AP2A2: variants seen among roughly 807,000 people sequenced by gnomAD.
AP2A2 encodes the protein AP-2 complex subunit alpha-2.
AP2A2 carries 32 observed loss-of-function variants against 104.2 expected under a neutral mutation model. The ratio of observed to expected loss-of-function variants is 0.31; its 90% CI spans 0.23 to 0.41. The LOEUF is 0.41. AP2A2 is among the 10% of genes least tolerant of loss of function. AP2A2 has a pLI of 1.00. For missense variants in AP2A2, 912 were observed against 1,261.0 expected (o/e 0.72, Z 4.19); for synonymous variants, 539 against 533.3 (o/e 1.01, Z -0.15).
intron 5 of AP2A2, among the ~76,000 whole-genome samples, chr11:978,130 T>A (rs1855113446): frequency 6.6e-6 from 1 of 151,890 alleles, no homozygotes; most frequent in Non-Finnish European, 1.5e-5. Context: ...CGTCAGAGAG[T>A]GTGCGGGTGA....
rs1392866500 is a variant in AP2A2 at position 1,008,102 on chromosome 11, T to A, written c.2387T>A (p.Phe796Tyr). The change falls in exon 18 of 22, where the codon TTC becomes TAC. Residue 796 changes from phenylalanine to tyrosine, a missense_variant. This residue lies in a region of AP2A2 where 239 missense variants were observed against 329.8 expected (regional missense o/e 0.72). Transcript: ENST00000448903. ...QVVNIECVSD[F>Y]TEAPVLNIQF... is the part of the protein sequence containing the mutation. Reference sequence around the variant, plus strand: ...GTCAACATAGAGTGCGTGTCCGACTTCACGGAGGCGCCAGTCCTCAACATT... The same window carrying A: ...GTCAACATAGAGTGCGTGTCCGACTACACGGAGGCGCCAGTCCTCAACATT... 1 of 1,606,420 alleles carries A rather than the reference T, an allele frequency of 6.2e-7. No individual in the cohort carries two copies. The highest frequency in any genetic ancestry group is 1.1e-5 in the South Asian group (1 of 89,588).
At chr11:973,336 A>G (rs914480176) in intron 4 of AP2A2, among the ~76,000 whole-genome samples, 3 of 152,208 alleles carry the variant, frequency 2.0e-5, no homozygotes, top group Non-Finnish European at 4.4e-5. Context: ...AGGATGCTCC[A>G]CAACAGAGAA....
At chr11:1,007,547 C>A (rs1049311515) in intron 17 of AP2A2, 2 of 190,312 alleles carry the variant, frequency 1.1e-5, no homozygotes, top group Non-Finnish European at 2.2e-5. Flanking sequence ...GTCACTGTTT[C>A]TTCAGGAGAG....
intron 2 of AP2A2, among the ~76,000 whole-genome samples, chr11:964,539 G>T (rs1036032112): frequency 6.6e-6 from 1 of 152,210 alleles, no homozygotes; most frequent in Non-Finnish European, 1.5e-5. Flanking sequence ...TTGGGGCCCT[G>T]TTCCTGAATT....
chr11:996,621 C>A (rs983091783), intron 14 of AP2A2, among the ~76,000 whole-genome samples: 1 of 152,068 alleles, frequency 6.6e-6, no homozygotes, highest in Admixed American at 6.6e-5. Context: ...AGCTTCTGGA[C>A]CCTGGGAGTG....
At chr11:997,200 G>A (rs1338285660) in intron 14 of AP2A2, among the ~76,000 whole-genome samples, 2 of 152,200 alleles carry the variant, frequency 1.3e-5, no homozygotes, top group African/African-American at 4.8e-5. Context: ...CATAGATGAG[G>A]CCAGGACATT....
Position 1,009,803 on chromosome 11 carries a change from A to G in AP2A2, c.2728A>G (p.Asn910Asp). Residue 910 changes from asparagine (N) to aspartate (D), a missense_variant, in exon 21 of 22, where the codon AAC (asparagine) becomes GAC (aspartate). This residue lies in a region of AP2A2 where 239 missense variants were observed against 329.8 expected (regional missense o/e 0.72). Coordinates refer to ENST00000448903, the MANE Select transcript of AP2A2 (RefSeq NM_012305.4). ...TGGATGCCTGCTGCGCTTGGAGCCG[A>G]ACCTGCAAGCCCAGGTCAGGCCCTC... ...QIGCLLRLEP[N>D]LQAQMYRLTL... 1.3e-6 allele frequency: 2 copies of G among 1,547,230 alleles called. No homozygotes were observed. The highest frequency in any genetic ancestry group is 2.0e-5 in the Admixed American group (1 of 50,946).
chr11:955,230 C>A (rs985564971), intron 1 of AP2A2, among the ~76,000 whole-genome samples: 1 of 152,236 alleles, frequency 6.6e-6, no homozygotes, highest in Non-Finnish European at 1.5e-5. Context: ...CACACTGGCA[C>A]ACCGCACCCA....
chr11:972,941 C>T (rs1330471986), intron 4 of AP2A2, among the ~76,000 whole-genome samples: 3 of 152,264 alleles, frequency 2.0e-5, no homozygotes, highest in Admixed American at 1.3e-4. Context: ...CCATCCGTTC[C>T]GTCCCTTGTT....
At chr11:945,913 G>A (rs1042154262) in intron 1 of AP2A2, among the ~76,000 whole-genome samples, 5 of 152,176 alleles carry the variant, frequency 3.3e-5, no homozygotes, top group African/African-American at 9.7e-5. Flanking sequence ...AGGAGACGGC[G>A]AGGATCTGGA....
At position 935,603 on chromosome 11, in the gene AP2A2, G is replaced by GTTTTTTTTTTTTTTTTTTTTTTTTTTTTT. The variant is rs757190222; in HGVS notation, c.67+9537_67+9538insTTTTTTTTTTTTTTTTTTTTTTTTTTTTT. The stretch of plus-strand genomic sequence containing the variant: ...AAGTGTGAGCCACTGTGCCCGGCCA[G>GTTTTTTTTTTTTTTTTTTTTTTTTTTTTT]TTTTTTTTTTTTTTTTTTTTTTGAG... On this transcript the variant is annotated intron_variant, in intron 1 of 21. Transcript: ENST00000448903. 1.5e-4 allele frequency among the ~76,000 whole-genome samples: 12 copies of GTTTTTTTTTTTTTTTTTTTTTTTTTTTTT among 77,958 alleles called. 2 individuals carry two copies. The highest frequency in any genetic ancestry group is 7.0e-3 in the Middle Eastern group (1 of 142). The allele number at this position is 77,958 out of a possible 152,430, so 51.1% of individuals were successfully genotyped here. A position where few individuals can be genotyped will look rare whatever the true frequency, so the allele number is the denominator to read the frequency against.
chr11:1,011,658 C>G lies in AP2A2; in HGVS notation c.*1033C>G, dbSNP rs1856437733. On this transcript the variant is annotated 3_prime_UTR_variant, in exon 22 of 22. Transcript: ENST00000448903. Reference sequence around the variant, plus strand: ...TAGGAGCCAAGGCTGGGGCCTTGCGCTCTGTCCCCAGGATGGTGGCCTTGT... The same window carrying G: ...TAGGAGCCAAGGCTGGGGCCTTGCGGTCTGTCCCCAGGATGGTGGCCTTGT... 1 of 363,974 alleles carries G rather than the reference C, an allele frequency of 2.7e-6. No homozygotes were observed. The highest frequency in any genetic ancestry group is 3.6e-5 in the Admixed American group (1 of 27,546). 22.5% of individuals were successfully genotyped at this position (363,974 alleles called of 1,614,324 possible).
At chr11:970,723 G>C (rs1033731476) in intron 3 of AP2A2, among the ~76,000 whole-genome samples, 5 of 152,248 alleles carry the variant, frequency 3.3e-5, no homozygotes, top group African/African-American at 1.2e-4. Context: ...CTCCAGAGGA[G>C]GGGAGGATGT....
chr11:963,184 G>GGGA (rs1181419659), intron 2 of AP2A2, among the ~76,000 whole-genome samples: 4 of 152,172 alleles, frequency 2.6e-5, no homozygotes. Context: ...CCAGCCCTTT[G>GGGA]GGAGGCCGAG....
At position 973,322 on chromosome 11, in the gene AP2A2, A is replaced by G. The variant is rs939957974; in HGVS notation, c.473+1067A>G. ...AGACCAGGGTGCTGCACCCCACACC[A>G]CTCAGGATGCTCCACAACAGAGAAT... On this transcript the variant is annotated intron_variant, in intron 4 of 21. Transcript: ENST00000448903. 2.6e-5 allele frequency among the ~76,000 whole-genome samples: 4 copies of G among 152,102 alleles called. No homozygotes were observed. The East Asian group carries it at 7.8e-4, about 29-fold the overall frequency.
At position 993,742 on chromosome 11, in the gene AP2A2, C is replaced by T. The variant is rs574594156; in HGVS notation, c.1551-12C>T. On this transcript the variant is annotated splice_polypyrimidine_tract_variant and intron_variant, in intron 12 of 21. Transcript: ENST00000448903. This position sits in a 1 kb window ranked among gnomAD's most constrained non-coding sequence, Gnocchi z 8.2. ...ACGACGGTGTCCCTGTGTTGTGCCT[C>T]CCCGTCCCCAGCCCGCTGATCCAGT... 105 of 1,572,668 alleles carry T rather than the reference C, an allele frequency of 6.7e-5. No individual in the cohort carries two copies. In the South Asian group the frequency reaches 1.2e-3, roughly 17 times the overall value.
intron 21 of AP2A2, 196 bp downstream of exon 21, chr11:1,010,013 T>C: frequency 1.6e-6 from 1 of 608,442 alleles, no homozygotes; most frequent in Admixed American, 3.0e-5. Flanking sequence ...CCTAGTGCAG[T>C]TCAGTCAGTT....
chr11:1,002,834 C>G (rs945207148), intron 15 of AP2A2, among the ~76,000 whole-genome samples: 1 of 152,206 alleles, frequency 6.6e-6, no homozygotes, highest in Non-Finnish European at 1.5e-5. Flanking sequence ...GTGGAGATTT[C>G]AGAATTAGGC....
At chr11:971,307 G>A (rs1854819358) in intron 3 of AP2A2, among the ~76,000 whole-genome samples, 1 of 152,174 alleles carries the variant, frequency 6.6e-6, no homozygotes, top group Admixed American at 6.5e-5. Context: ...ACTGGGGGCT[G>A]AGGGTGGGAG....
Sources: allele counts gnomAD v4.1 joint callset (sites outside exome capture counted in the v4.1 genomes callset), GRCh38; gene constraint gnomAD v4.1.1; regional missense constraint gnomAD v4.1.1; non-coding constraint Gnocchi (gnomAD v3.1); transcripts MANE v1.5; gene names NCBI Gene and HGNC (gene_info 2026-07-23, HGNC 2026-07-21).